The following CEP164 variants were observed in gnomAD, a reference collection of about 807,000 sequenced individuals.
CEP164 encodes centrosomal protein 164, also known as centrosomal protein of 164 kDa.
A neutral mutation model predicts 182.7 loss-of-function variants in CEP164; 162 were observed. The observed-to-expected ratio is 0.89, with a 90% CI of 0.78 to 1.01. CEP164 has a LOEUF of 1.01. Among genes scored for constraint, CEP164 ranks in the 50% least tolerant of loss-of-function variants. The pLI, the probability that CEP164 is intolerant of heterozygous loss-of-function variation, is 0.00. For missense variants in CEP164, 1,735 were observed against 1,790.4 expected, an observed-to-expected ratio of 0.97 and a Z score of 0.56; for synonymous variants, 661 against 690.0, an observed-to-expected ratio of 0.96 and a Z score of 0.66.
At chr11:117,336,329 C>T in intron 2 of CEP164, 1 of 1,479,070 alleles carries the variant, frequency 6.8e-7, no homozygotes, top group Non-Finnish European at 9.4e-7. Flanking sequence ...GCTGTCACTG[C>T]TGGTCTGACC....
chr11:117,355,650 G>A, intron 5 of CEP164: 1 of 1,192,202 alleles, frequency 8.4e-7, no homozygotes, highest in South Asian at 1.6e-5. Flanking sequence ...GAAGACCTGA[G>A]CTGGCAGGGA....
intron 8 of CEP164, among the ~76,000 whole-genome samples, chr11:117,365,416 G>A (rs1168792582): frequency 6.6e-6 from 1 of 152,232 alleles, no homozygotes; most frequent in East Asian, 1.9e-4. Context: ...TTTCTGGATA[G>A]AGTGGGTACT....
intron 3 of CEP164, among the ~76,000 whole-genome samples, 158 bp from the exon 4 acceptor site, chr11:117,344,008 T>C (rs1028270018): frequency 9.2e-5 from 14 of 152,230 alleles, no homozygotes; most frequent in South Asian, 2.1e-4. Flanking sequence ...GTGTACTATT[T>C]GTAAATTGTA....
chr11:117,360,924 CT>C (rs907774409), intron 5 of CEP164, among the ~76,000 whole-genome samples: 1 of 146,504 alleles, frequency 6.8e-6, no homozygotes, highest in African/African-American at 2.5e-5. Context: ...CTCCCGCATC[CT>C]TCTTATATGG....
chr11:117,373,901 A>G, intron 10 of CEP164, 70 bp downstream of exon 10: 1 of 1,367,190 alleles, frequency 7.3e-7, no homozygotes, highest in East Asian at 2.3e-5. Context: ...GGGTTAAGTA[A>G]TTTGCCTAGC....
At chr11:117,353,994 T>C (rs1758221240) in intron 5 of CEP164, among the ~76,000 whole-genome samples, 2 of 110,130 alleles carry the variant, frequency 1.8e-5, no homozygotes, top group African/African-American at 7.6e-5. Context: ...GGTGGACTTT[T>C]CTTCTTCTCC....
intron 10 of CEP164, among the ~76,000 whole-genome samples, chr11:117,375,188 G>T (rs923168687): frequency 2.0e-5 from 3 of 152,208 alleles, no homozygotes; most frequent in Admixed American, 6.5e-5. Flanking sequence ...GCCTGGTTGG[G>T]CACCACGGAG....
chr11:117,340,767 T>C (rs1416426640), intron 3 of CEP164, among the ~76,000 whole-genome samples: 1 of 152,172 alleles, frequency 6.6e-6, no homozygotes, highest in Non-Finnish European at 1.5e-5. Flanking sequence ...CAAGTGATCC[T>C]CCTGTCTGGG....
chr11:117,346,582 G>A (rs2038933093), intron 4 of CEP164, among the ~76,000 whole-genome samples: 1 of 145,990 alleles, frequency 6.8e-6, no homozygotes, highest in African/African-American at 2.5e-5. Context: ...AAAATAAGTT[G>A]GCCAGGCATG....
rs750828915 is a variant in CEP164 at position 117,351,842 on chromosome 11, A to G, written c.247A>G (p.Met83Val). The change falls in exon 5 of 33, where the codon ATG (methionine) becomes GTG (valine). Residue 83 changes from methionine (M) to valine (V), a missense_variant. By Grantham distance (21) the Met-to-Val change is conservative. Transcript: ENST00000278935. ...TTTCAACTTCGCCAACGGGCAGTCTATGTGGGACCATCCATGTGACGAACA... is the reference window on the plus strand; with the variant it reads ...TTTCAACTTCGCCAACGGGCAGTCTGTGTGGGACCATCCATGTGACGAACA... ...YYFNFANGQS[M>V]WDHPCDEHYR... 2.5e-5 allele frequency: 41 copies of G among 1,613,204 alleles called. No homozygotes were observed. In the South Asian group the frequency reaches 2.9e-4, roughly 11 times the overall value.
intron 10 of CEP164, among the ~76,000 whole-genome samples, chr11:117,375,447 TA>T (rs1354531783): frequency 1.3e-5 from 2 of 152,182 alleles, no homozygotes; most frequent in Non-Finnish European, 2.9e-5. Flanking sequence ...ATGGAACAAT[TA>T]AAAAAATTGT....
rs112965109 is a variant in CEP164 at position 117,336,212 on chromosome 11, CG to C, written c.-22+533del. On this transcript the variant is annotated intron_variant, in intron 2 of 32. Transcript: ENST00000278935. ...TCCAGGGCCTGTATTCAGTCAGAATCGCTGCTGGAAGAGGAGGAGAAAGAGG... is the reference window on the plus strand; with the variant it reads ...TCCAGGGCCTGTATTCAGTCAGAATCCTGCTGGAAGAGGAGGAGAAAGAGG... 2,287 of 1,592,040 alleles carry C rather than the reference CG, an allele frequency of 1.4e-3. 32 individuals carry two copies. In the African/African-American group the frequency reaches 0.028, roughly 20 times the overall value.
At chr11:117,370,765 G>C in intron 8 of CEP164, among the ~76,000 whole-genome samples, 1 of 152,192 alleles carries the variant, frequency 6.6e-6, no homozygotes, top group Admixed American at 6.5e-5. Flanking sequence ...ACAAAAAATA[G>C]TCAGCTGTGG....
In CEP164 at chr11:117,391,071, CT is replaced by C. The variant is rs759098369; in HGVS notation, c.2141del (p.Leu714TrpfsTer16). The C allele has an allele frequency of 6.2e-7, 1 of 1,614,098 alleles. No homozygotes were observed. ...ESQQKAERAS[L>X]EQKNRQMLEQ... ...CTCAACAGAAGGCTGAGAGGGCCAG[CT>C]TGGAACAGAAAAATAGGCAAATGCT... On this transcript the variant is annotated frameshift_variant, in exon 17 of 33. Transcript: ENST00000278935. LOFTEE classifies it high-confidence loss of function.
rs950393355 is a variant in CEP164, at chr11:117,402,855, G to T, written c.3502-5070G>T. Reference sequence around the variant, plus strand: ...GTAGGTCTCTAACAACTTGCTTTATGCATCTGGGTGCTCCTGGGTGCATAT... The same window carrying T: ...GTAGGTCTCTAACAACTTGCTTTATTCATCTGGGTGCTCCTGGGTGCATAT... On this transcript the variant is annotated intron_variant, in intron 27 of 32. Transcript: ENST00000278935. Among the ~76,000 whole-genome samples the T allele has an allele frequency of 2.0e-5, 3 of 152,204 alleles. No homozygotes were observed. The East Asian group carries it at 5.8e-4, about 29-fold the overall frequency.
At chr11:117,334,306 C>CT (rs2036690450) in intron 1 of CEP164, among the ~76,000 whole-genome samples, 1 of 152,196 alleles carries the variant, frequency 6.6e-6, no homozygotes, top group Admixed American at 6.5e-5. Flanking sequence ...TCCCACGTTC[C>CT]TTTTTTCTTT....
chr11:117,393,191 A>ACACACATGCACACACACATGCACG (rs2044933443), intron 20 of CEP164, 65 bp downstream of exon 20: 5 of 1,567,146 alleles, frequency 3.2e-6, no homozygotes, highest in Non-Finnish European at 4.3e-6. Flanking sequence ...GCACATGCAC[A>ACACACATGCACACACACATGCACG]CACACATGCA....
At chr11:117,381,560 T>C (rs2043316319) in intron 12 of CEP164, 141 bp from the exon 13 acceptor site, 3 of 1,027,238 alleles carry the variant, frequency 2.9e-6, no homozygotes, top group Admixed American at 5.8e-5. Context: ...GCTATGGCTC[T>C]CCATGGATGG....
upstream of CEP164, among the ~76,000 whole-genome samples, chr11:117,326,941 A>G (rs2035481658): frequency 6.6e-6 from 1 of 152,224 alleles, no homozygotes; most frequent in Non-Finnish European, 1.5e-5. Flanking sequence ...GACATATGAG[A>G]GAAAGGAAGA....
Sources: allele counts gnomAD v4.1 joint callset (sites outside exome capture counted in the v4.1 genomes callset), GRCh38; gene constraint gnomAD v4.1.1; transcripts MANE v1.5; gene names NCBI Gene and HGNC (gene_info 2026-07-23, HGNC 2026-07-21).